The following AP2A2 variants were observed in gnomAD, a reference collection of about 807,000 sequenced individuals.
AP2A2 encodes AP-2 complex subunit alpha-2.
In AP2A2, 32 loss-of-function variants were observed where a neutral mutation model predicts 104.2. The observed-to-expected ratio is 0.31, with a 90% confidence interval of 0.23 to 0.41. The LOEUF (loss-of-function observed/expected upper bound fraction) is 0.41, where lower values mean the gene tolerates loss of function less well. Ranked by LOEUF, AP2A2 falls within the 10% of genes least tolerant of loss-of-function variation. AP2A2 has a pLI of 1.00. For synonymous variants in AP2A2, 539 were observed against 533.3 expected, an observed-to-expected ratio of 1.01 and a Z score of -0.15; for missense variants, 912 against 1,261.0, an observed-to-expected ratio of 0.72 and a Z score of 4.19.
chr11:975,087 G>T (rs1341274650), intron 4 of AP2A2, among the ~76,000 whole-genome samples: 2 of 152,226 alleles, frequency 1.3e-5, no homozygotes, highest in Non-Finnish European at 2.9e-5. Flanking sequence ...TGCTGAGGAG[G>T]TCAGGTCATT....
rs1855709004 is a variant in AP2A2 at position 992,928 on chromosome 11, G to T, written c.1452+243G>T. Among the ~76,000 whole-genome samples, 1 of 152,146 alleles carries T rather than the reference G, an allele frequency of 6.6e-6. No individual in the cohort carries two copies. The highest frequency in any genetic ancestry group is 2.1e-4 in the South Asian group (1 of 4,806). On this transcript the variant is annotated intron_variant, in intron 11 of 21. Transcript: ENST00000448903. The surrounding 1 kb of genome is among the most constrained non-coding windows in gnomAD (Gnocchi z 6.4). ...GGGCCACCTGAGAAAGCCGGCCTCT[G>T]TGTGTGTGAGAGCATGCTGGGGCAT...
At chr11:927,598 T>C (rs1589935327) in intron 1 of AP2A2, among the ~76,000 whole-genome samples, 1 of 151,860 alleles carries the variant, frequency 6.6e-6, no homozygotes, top group East Asian at 1.9e-4. Flanking sequence ...GGTGGATCTT[T>C]TGAGCCCAGA....
At chr11:975,724 G>A (rs1353135892) in intron 4 of AP2A2, among the ~76,000 whole-genome samples, 1 of 151,422 alleles carries the variant, frequency 6.6e-6, no homozygotes, top group African/African-American at 2.4e-5. Flanking sequence ...ACGTCGGCGA[G>A]TAGCTGTGGG....
chr11:950,946 A>C (rs539706196), intron 1 of AP2A2, among the ~76,000 whole-genome samples: 3 of 151,780 alleles, frequency 2.0e-5, no homozygotes, highest in Admixed American at 2.0e-4. Flanking sequence ...ACAAAAATTA[A>C]CTGGGTGTGG....
chr11:963,110 C>T (rs1227289062), intron 2 of AP2A2, among the ~76,000 whole-genome samples: 1 of 151,852 alleles, frequency 6.6e-6, no homozygotes, highest in African/African-American at 2.4e-5. Flanking sequence ...TTCAGTATAT[C>T]TAAAATTTCG....
intron 4 of AP2A2, among the ~76,000 whole-genome samples, chr11:974,629 T>G (rs1320306896): frequency 7.9e-6 from 1 of 126,842 alleles, no homozygotes; most frequent in Admixed American, 8.4e-5. Context: ...CTGCAGTAAG[T>G]TGGAGATTGC....
rs755014932 is a variant in AP2A2 at position 972,143 on chromosome 11, G to A, written c.361G>A (p.Ala121Thr). ...CAACAACGCCATCAAGAATGACCTG[G>A]CCAGCCGCAACCCCACCTTCATGGG... is the stretch of plus-strand genomic sequence containing the variant. ...LINNAIKNDL[A>T]SRNPTFMGLA... is the part of the protein sequence containing the mutation. Residue 121 changes from alanine (A) to threonine (T), a missense_variant, in exon 4 of 22, where the codon GCC becomes ACC. Transcript: ENST00000448903. 1 of 1,612,874 alleles carries A rather than the reference G, an allele frequency of 6.2e-7. No homozygotes were observed.
In AP2A2 at chr11:962,944, C is replaced by T. The variant is rs990465201; in HGVS notation, c.136+3439C>T. 2.0e-5 allele frequency among the ~76,000 whole-genome samples: 3 copies of T among 152,046 alleles called. No individual in the cohort carries two copies. In the South Asian group the frequency reaches 6.2e-4, roughly 32 times the overall value. ...CCGTAAGAAATGTGCTGCCTGAGGC[C>T]TGCCCTGCCAGCTGTGGGTAGATGA... On this transcript the variant is annotated intron_variant, in intron 2 of 21. Transcript: ENST00000448903.
chr11:988,825 G>A, intron 10 of AP2A2, 136 bp downstream of exon 10: 1 of 1,171,506 alleles, frequency 8.5e-7, no homozygotes, highest in Non-Finnish European at 1.2e-6. Context: ...AGGCTCCTCT[G>A]CCTCTGTGTT....
intron 1 of AP2A2, among the ~76,000 whole-genome samples, chr11:927,816 CAAAA>C (rs35472837): frequency 1.5e-5 from 1 of 68,838 alleles, no homozygotes; most frequent in Non-Finnish European, 2.5e-5. Context: ...ACCTTTCTCA[CAAAA>C]AAAAAAAAAA....
At chr11:960,247 CTT>C (rs11438619) in intron 2 of AP2A2, among the ~76,000 whole-genome samples, 4 of 143,996 alleles carry the variant, frequency 2.8e-5, no homozygotes, top group Non-Finnish European at 3.0e-5. Flanking sequence ...CTTTTCTTTT[CTT>C]TTTTTTTTTT....
intron 15 of AP2A2, 109 bp downstream of exon 15, chr11:1,000,707 C>A: frequency 8.3e-7 from 1 of 1,207,446 alleles, no homozygotes; most frequent in Non-Finnish European, 1.1e-6. Flanking sequence ...GTTTACCTCC[C>A]AGATTACTGC....
At chr11:940,945 A>G (rs1853625367) in intron 1 of AP2A2, 1 of 455,932 alleles carries the variant, frequency 2.2e-6, no homozygotes, top group African/African-American at 2.0e-5. Flanking sequence ...GGGATGGGGC[A>G]TCTCACCCCT....
rs2133786083 is a variant in AP2A2 at position 1,006,387 on chromosome 11, CTTAATT to C, written c.2207-136_2207-131del. ...GTTCTAAAACTGGAAAAAATTTGTT[CTTAATT>C]TTAACAACAGTCATACATCACAACA... On this transcript the variant is annotated intron_variant, in intron 16 of 21. Coordinates refer to ENST00000448903, the MANE Select transcript of AP2A2 (RefSeq NM_012305.4). 1.3e-5 allele frequency: 9 copies of C among 667,900 alleles called. No homozygotes were observed. In the South Asian group the frequency reaches 1.4e-4, roughly 10 times the overall value. The allele number at this position is 667,900 out of a possible 1,614,324, so 41.4% of individuals were successfully genotyped here.
intron 8 of AP2A2, among the ~76,000 whole-genome samples, chr11:985,841 C>T (rs1855436516): frequency 1.3e-5 from 2 of 152,238 alleles, no homozygotes; most frequent in Non-Finnish European, 2.9e-5. Flanking sequence ...TGAGCATCCC[C>T]ACTCCTGACT....
At chr11:975,253 A>G (rs568332433) in intron 4 of AP2A2, among the ~76,000 whole-genome samples, 1 of 151,990 alleles carries the variant, frequency 6.6e-6, no homozygotes, top group East Asian at 1.9e-4. Flanking sequence ...GACATTAGCG[A>G]GTAGCTGTAG....
At chr11:1,006,233 C>T (rs1856200377) in intron 16 of AP2A2, among the ~76,000 whole-genome samples, 1 of 152,380 alleles carries the variant, frequency 6.6e-6, no homozygotes, top group African/African-American at 2.4e-5. Context: ...CTTCCCCGTG[C>T]ATATGCGTGT....
chr11:959,332 G>A lies in AP2A2; in HGVS notation c.68-105G>A, dbSNP rs191499433. 283 of 774,294 alleles carry A rather than the reference G, an allele frequency of 3.7e-4. 2 individuals are homozygous for A. The highest frequency in any genetic ancestry group is 5.6e-4 in the Non-Finnish European group (262 of 466,602). 48.0% of individuals were successfully genotyped at this position (774,294 alleles called of 1,614,324 possible). On this transcript the variant is annotated intron_variant, in intron 1 of 21. Transcript: ENST00000448903. ...TTCGGCTTTTCTCCTGCCTTGAAAC[G>A]GGGCCTCATCCCATTCGTGAGTTCT...
At chr11:1,010,086 C>T (rs1253137336) in intron 21 of AP2A2, 1 of 504,206 alleles carries the variant, frequency 2.0e-6, no homozygotes, top group Admixed American at 3.3e-5. Flanking sequence ...ATCCCAGCCT[C>T]CCCACAGCTG....
Sources: allele counts gnomAD v4.1 joint callset (sites outside exome capture counted in the v4.1 genomes callset), GRCh38; gene constraint gnomAD v4.1.1; non-coding constraint Gnocchi (gnomAD v3.1); transcripts MANE v1.5; gene names NCBI Gene and HGNC (gene_info 2026-07-23, HGNC 2026-07-21).